The following SRPK1 variants were observed in gnomAD, a reference collection of about 807,000 sequenced individuals.
The protein encoded by SRPK1 is SFRS protein kinase 1.
Under a neutral mutation model 89.5 loss-of-function variants are expected in SRPK1, and 52 were observed. The observed-to-expected ratio is 0.58, with a 90% CI of 0.46 to 0.73. The LOEUF is 0.73. Among genes scored for constraint, SRPK1 ranks in the 30% least tolerant of loss-of-function variants. The pLI is 0.00. For synonymous variants in SRPK1, 255 were observed against 270.2 expected (o/e 0.94, Z 0.55); for missense variants, 603 against 780.6 (o/e 0.77, Z 2.71).
At chr6:35,851,960 A>T (rs2151082462) in intron 13 of SRPK1, among the ~76,000 whole-genome samples, 1 of 152,358 alleles carries the variant, frequency 6.6e-6, no homozygotes, top group East Asian at 1.9e-4. Context: ...TGCCTAAAAT[A>T]AATATGCCAA....
chr6:35,876,727 G>A (rs934750035), intron 6 of SRPK1, among the ~76,000 whole-genome samples: 14 of 152,118 alleles, frequency 9.2e-5, no homozygotes, highest in African/African-American at 3.4e-4. Flanking sequence ...TTATCTTATT[G>A]AAAAAACAAT....
chr6:35,843,707 C>T (rs1033926151), intron 13 of SRPK1, among the ~76,000 whole-genome samples: 3 of 152,112 alleles, frequency 2.0e-5, no homozygotes, highest in African/African-American at 7.2e-5. Flanking sequence ...CCTCTGCCTC[C>T]CAAAGTGCTG....
At chr6:35,906,581 T>C (rs1770852727) in intron 2 of SRPK1, among the ~76,000 whole-genome samples, 1 of 152,160 alleles carries the variant, frequency 6.6e-6, no homozygotes, top group Non-Finnish European at 1.5e-5. Flanking sequence ...ATGATTCCAT[T>C]TATATGAAAT....
At chr6:35,844,684 C>T (rs1769389681) in intron 13 of SRPK1, among the ~76,000 whole-genome samples, 3 of 152,088 alleles carry the variant, frequency 2.0e-5, no homozygotes, top group South Asian at 2.1e-4. Context: ...GAAACTGAAC[C>T]ACAGTGATAG....
At chr6:35,904,122 G>C (rs1317419654) in intron 2 of SRPK1, among the ~76,000 whole-genome samples, 1 of 151,960 alleles carries the variant, frequency 6.6e-6, no homozygotes, top group Non-Finnish European at 1.5e-5. Flanking sequence ...TATTTATCTA[G>C]CTCCTGCCAA....
At position 35,841,559 on chromosome 6, in the gene SRPK1, CG is replaced by C. The variant is rs550997687; in HGVS notation, c.1690+975del. Among the ~76,000 whole-genome samples the C allele has an allele frequency of 3.7e-3, 563 of 152,222 alleles. 2 individuals are homozygous for C. The highest frequency in any genetic ancestry group is 0.013 in the African/African-American group (527 of 41,540). On this transcript the variant is annotated intron_variant, in intron 14 of 15. Coordinates refer to ENST00000373825, the MANE Select transcript of SRPK1 (RefSeq NM_003137.5). ...TGTATAAAACATTTTCTTGGCTGAG[CG>C]TGATGGCTCACGCCTGTAATCCCAG...
intron 6 of SRPK1, among the ~76,000 whole-genome samples, chr6:35,886,044 TTTTC>T (rs988111900): frequency 2.0e-5 from 3 of 151,820 alleles, no homozygotes; most frequent in Non-Finnish European, 2.9e-5. Flanking sequence ...CTTCCTTTCT[TTTTC>T]TTTCTCTCTT....
intron 2 of SRPK1, among the ~76,000 whole-genome samples, chr6:35,913,805 G>GAAAAAAAAAAAAA (rs202235876): frequency 7.1e-6 from 1 of 140,396 alleles, no homozygotes; most frequent in African/African-American, 2.6e-5. Context: ...CTCAAAAAAA[G>GAAAAAAAAAAAAA]AAAAAAAAAT....
intron 8 of SRPK1, among the ~76,000 whole-genome samples, chr6:35,871,653 G>A (rs528303172): frequency 2.4e-4 from 36 of 151,988 alleles, no homozygotes; most frequent in South Asian, 1.2e-3. Context: ...TCAACTTGAG[G>A]ATCAAGCAAG....
intron 8 of SRPK1, 109 bp downstream of exon 8, chr6:35,872,454 T>C: frequency 3.9e-6 from 4 of 1,019,134 alleles, no homozygotes; most frequent in Non-Finnish European, 5.4e-6. Flanking sequence ...TTCTTAAATA[T>C]GTTATTGTTG....
intron 2 of SRPK1, among the ~76,000 whole-genome samples, chr6:35,916,393 T>C (rs1442053154): frequency 6.6e-6 from 1 of 152,156 alleles, no homozygotes; most frequent in South Asian, 2.1e-4. Context: ...ATATGGAATA[T>C]AGAACCAATT....
chr6:35,867,559 T>C (rs1403488677), intron 12 of SRPK1, among the ~76,000 whole-genome samples: 2 of 152,188 alleles, frequency 1.3e-5, no homozygotes, highest in Non-Finnish European at 2.9e-5. Context: ...CTCATGCCTG[T>C]AGTCCCAACA....
chr6:35,903,725 T>C (rs548806760), intron 2 of SRPK1, among the ~76,000 whole-genome samples: 7 of 152,330 alleles, frequency 4.6e-5, no homozygotes, highest in Admixed American at 3.3e-4. Flanking sequence ...GTAGTTAAAA[T>C]GTATATTAAA....
intron 1 of SRPK1, chr6:35,920,836 C>T (rs534640340): frequency 1.2e-5 from 6 of 508,572 alleles, no homozygotes; most frequent in African/African-American, 4.1e-5. Context: ...GAACAAGGGG[C>T]GGCTACGGCC....
intron 2 of SRPK1, among the ~76,000 whole-genome samples, chr6:35,915,818 A>G (rs1771077418): frequency 6.6e-6 from 1 of 151,670 alleles, no homozygotes; most frequent in East Asian, 1.9e-4. Context: ...TAAAAATACA[A>G]AAAATTAGTG....
At chr6:35,850,911 CAAGGT>C (rs1290875559) in intron 13 of SRPK1, among the ~76,000 whole-genome samples, 16 of 152,198 alleles carry the variant, frequency 1.1e-4, no homozygotes, top group Non-Finnish European at 5.9e-5. Context: ...TCCAAAGGTC[CAAGGT>C]AAGTATGAGC....
chr6:35,915,552 C>T (rs1304420632), intron 2 of SRPK1, among the ~76,000 whole-genome samples: 7 of 151,990 alleles, frequency 4.6e-5, no homozygotes, highest in Non-Finnish European at 1.0e-4. Flanking sequence ...AAAGATTATT[C>T]ACTATAGCTG....
At chr6:35,867,922 C>A (rs761786688) in intron 12 of SRPK1, among the ~76,000 whole-genome samples, 1 of 152,282 alleles carries the variant, frequency 6.6e-6, no homozygotes, top group Middle Eastern at 3.4e-3. Context: ...GAAGATCATA[C>A]AAGAAAATAC....
chr6:35,886,757 C>G lies in SRPK1; in HGVS notation c.445G>C (p.Asp149His). The G allele has an allele frequency of 6.2e-7, 1 of 1,610,234 alleles. No homozygotes were observed. The highest frequency in any genetic ancestry group is 8.5e-7 in the Non-Finnish European group (1 of 1,176,752). ...PNREMVVQLL[D>H]DFKISGVNGT... Reference sequence around the variant, plus strand: ...TTAACTCCTGATATTTTAAAGTCATCTAGTAGTTGAACAACCATTTCTCTA... The same window carrying G: ...TTAACTCCTGATATTTTAAAGTCATGTAGTAGTTGAACAACCATTTCTCTA... Residue 149 changes from aspartate (D) to histidine (H), a missense_variant, in exon 6 of 16, where the codon GAT becomes CAT. Physicochemically the swap from Asp to His is moderately conservative, Grantham distance 81. Coordinates refer to ENST00000373825, the MANE Select transcript of SRPK1 (RefSeq NM_003137.5).
Sources: gnomAD v4.1 joint callset for allele counts (sites outside exome capture counted in the v4.1 genomes callset) on GRCh38, gnomAD v4.1.1 for gene constraint, MANE v1.5 for transcripts, NCBI Gene and HGNC (gene_info 2026-07-23, HGNC 2026-07-21) for gene names.